ZMYM2: variants seen among roughly 807,000 people sequenced by gnomAD.
ZMYM2 encodes the protein zinc finger MYM-type containing 2, also known as zinc finger MYM-type protein 2.
ZMYM2 carries 56 observed loss-of-function variants against 162.8 expected under a neutral mutation model. The ratio of observed to expected loss-of-function variants is 0.34; its 90% CI spans 0.28 to 0.43. The LOEUF (loss-of-function observed/expected upper bound fraction) is 0.43. Ranked by LOEUF, ZMYM2 falls within the 20% of genes least tolerant of loss-of-function variation. The pLI, the probability that ZMYM2 is intolerant of heterozygous loss-of-function variation, is 1.00. For synonymous variants in ZMYM2, 510 were observed against 541.6 expected (o/e 0.94, Z 0.81); for missense variants, 1,275 against 1,621.8 (o/e 0.79, Z 3.67).
the ZMYM2 span, among the ~76,000 whole-genome samples, chr13:19,872,609 A>G: frequency 0.012 from 1,835 of 152,294 alleles, 35 homozygotes; most frequent in African/African-American, 0.042. Context: ...AGAAATTTCA[A>G]ACTTACAGAG....
chr13:19,907,015 C>T, the ZMYM2 span, among the ~76,000 whole-genome samples: 1 of 152,084 alleles, frequency 6.6e-6, no homozygotes, highest in Admixed American at 6.6e-5. Flanking sequence ...CATGAGCCAC[C>T]ACACCTGGAC....
chr13:20,058,578 T>C lies in ZMYM2; in HGVS notation c.2497T>C (p.Ser833Pro), dbSNP rs769736811. 1.2e-6 allele frequency: 2 copies of C among 1,613,500 alleles called. No individual in the cohort carries two copies. Among genetic ancestry groups the C allele is most frequent in the East Asian group, 2.2e-5 (1 of 44,828 alleles). The change falls in exon 15 of 25, where the codon TCA (serine) becomes CCA (proline). Residue 833 changes from serine (S) to proline (P), a missense_variant. By Grantham distance (74) the Ser-to-Pro change is moderately conservative. This residue lies in a region of ZMYM2 where 177 missense variants were observed against 228.0 expected (regional missense o/e 0.78). Coordinates refer to ENST00000610343, the MANE Select transcript of ZMYM2 (RefSeq NM_197968.4). ...CQTSRTKMTG[S>P]APPPSPTPNK... ...GTTTCTCTTTGCTTCTCCATAGGGT[T>C]CAGCACCACCCCCTTCTCCAACACC...
the ZMYM2 span, among the ~76,000 whole-genome samples, chr13:19,936,138 G>A: frequency 6.6e-6 from 1 of 152,116 alleles, no homozygotes; most frequent in East Asian, 1.9e-4. Flanking sequence ...CATGTAAATG[G>A]TATAATATGT....
At chr13:19,962,306 A>G (rs1048087705) in intron 2 of ZMYM2, among the ~76,000 whole-genome samples, 2 of 151,864 alleles carry the variant, frequency 1.3e-5, no homozygotes, top group African/African-American at 2.4e-5. Flanking sequence ...ATGCTCTGGT[A>G]TTAATGTGAT....
chr13:19,960,945 C>G (rs1300633531), intron 2 of ZMYM2, among the ~76,000 whole-genome samples: 1 of 152,054 alleles, frequency 6.6e-6, no homozygotes, highest in East Asian at 1.9e-4. Flanking sequence ...AATTGATAAG[C>G]ATTTGCTGAA....
chr13:19,973,836 T>C (rs1028436659), intron 2 of ZMYM2, among the ~76,000 whole-genome samples: 1 of 152,032 alleles, frequency 6.6e-6, no homozygotes, highest in Non-Finnish European at 1.5e-5. Flanking sequence ...TCTTAAAACA[T>C]TGTGAGATTT....
chr13:20,073,125 C>G (rs1163549455), intron 21 of ZMYM2, among the ~76,000 whole-genome samples: 1 of 152,132 alleles, frequency 6.6e-6, no homozygotes, highest in Non-Finnish European at 1.5e-5. Context: ...CCAGGCTGGT[C>G]TTGAATTCCA....
In ZMYM2 at chr13:20,064,562, G is replaced by A; in HGVS notation, c.3132+17G>A. 6.5e-7 allele frequency: 1 copy of A among 1,542,558 alleles called. No homozygotes were observed. The highest frequency in any genetic ancestry group is 8.8e-7 in the Non-Finnish European group (1 of 1,142,136). On this transcript the variant is annotated intron_variant, in intron 19 of 24. Coordinates refer to ENST00000610343, the MANE Select transcript of ZMYM2 (RefSeq NM_197968.4). ...AAAAAAAAGGTACATTCACTTAATA[G>A]CCTATATAACAATATTTCTCTATAG...
intron 12 of ZMYM2, 58 bp from the exon 13 acceptor site, chr13:20,051,375 C>A: frequency 6.5e-7 from 1 of 1,545,740 alleles, no homozygotes. Flanking sequence ...CACTGATAAA[C>A]TTCTGGAAAT....
chr13:19,925,537 C>T, the ZMYM2 span, among the ~76,000 whole-genome samples: 1 of 151,872 alleles, frequency 6.6e-6, no homozygotes, highest in Admixed American at 6.6e-5. Flanking sequence ...ATTTGAAGTA[C>T]TTTTTGTTTT....
intron 4 of ZMYM2, among the ~76,000 whole-genome samples, chr13:20,003,501 CTT>C (rs201419211): frequency 0.022 from 3,336 of 152,220 alleles, 45 homozygotes; most frequent in Middle Eastern, 0.058. Context: ...ATTGGCAAGT[CTT>C]TGGATTTTAT....
the ZMYM2 span, among the ~76,000 whole-genome samples, chr13:19,881,921 G>T: frequency 1.6e-3 from 240 of 148,674 alleles, 1 homozygote; most frequent in Non-Finnish European, 3.0e-3. Context: ...GGCAGCAGCT[G>T]CAGTGAGCCA....
At chr13:20,034,214 T>TTTTCTTGAGGTG (rs11272380) in intron 10 of ZMYM2, 40 bp from the exon 11 acceptor site, 1,417,680 of 1,428,252 alleles carry the variant, frequency 0.99, 704,135 homozygotes, top group East Asian at 1. Context: ...TTCTTAAGCT[T>TTTTCTTGAGGTG]GTCGTCATAT....
intron 3 of ZMYM2, among the ~76,000 whole-genome samples, chr13:19,996,706 G>A (rs1950042591): frequency 6.6e-6 from 1 of 152,038 alleles, no homozygotes; most frequent in African/African-American, 2.4e-5. Context: ...GACAGACTGA[G>A]ACTCTGTCTC....
At chr13:20,023,791 A>G (rs1052662180) in intron 7 of ZMYM2, among the ~76,000 whole-genome samples, 4 of 152,234 alleles carry the variant, frequency 2.6e-5, no homozygotes, top group Admixed American at 6.5e-5. Flanking sequence ...AGCTGAGTAA[A>G]CATGGCATAA....
At chr13:20,055,993 A>G (rs1955766300) in intron 14 of ZMYM2, among the ~76,000 whole-genome samples, 1 of 152,226 alleles carries the variant, frequency 6.6e-6, no homozygotes, top group African/African-American at 2.4e-5. Flanking sequence ...ACGAAGTGTT[A>G]TACAGGGAAA....
chr13:19,869,560 G>C, the ZMYM2 span, among the ~76,000 whole-genome samples: 12 of 152,274 alleles, frequency 7.9e-5, no homozygotes, highest in Non-Finnish European at 1.5e-5. Context: ...GGCCGAGGCA[G>C]GTGGATCACT....
chr13:20,001,548 T>A (rs1309073200), intron 3 of ZMYM2, among the ~76,000 whole-genome samples: 1 of 152,152 alleles, frequency 6.6e-6, no homozygotes, highest in African/African-American at 2.4e-5. Flanking sequence ...ACTGTGAATG[T>A]TGTTGAAATG....
rs1039074770 is a variant in ZMYM2, at chr13:20,019,110, A to C, written c.1513-437A>C. Among the ~76,000 whole-genome samples, 10 of 151,912 alleles carry C rather than the reference A, an allele frequency of 6.6e-5. No homozygotes were observed. In the South Asian group the frequency reaches 8.3e-4, roughly 13 times the overall value. Reference sequence around the variant, plus strand: ...AAAAAAAAACAACAACAACAACAAAAAAAAACAATTTCTCAATCCATTTTG... The same window carrying C: ...AAAAAAAAACAACAACAACAACAAACAAAAACAATTTCTCAATCCATTTTG... On this transcript the variant is annotated intron_variant, in intron 6 of 24. Coordinates refer to ENST00000610343, the MANE Select transcript of ZMYM2 (RefSeq NM_197968.4).
Sources: gnomAD v4.1 joint callset for allele counts (sites outside exome capture counted in the v4.1 genomes callset) on GRCh38, gnomAD v4.1.1 for gene constraint, gnomAD v4.1.1 regional missense constraint, MANE v1.5 for transcripts, NCBI Gene and HGNC (gene_info 2026-07-23, HGNC 2026-07-21) for gene names.